ZNF787: variants seen among roughly 807,000 people sequenced by gnomAD.
The protein encoded by ZNF787 is zinc finger protein 787.
ZNF787 carries 7 observed loss-of-function variants against 16.9 expected under a neutral mutation model. The ratio of observed to expected loss-of-function variants is 0.42; its 90% CI spans 0.24 to 0.78. The LOEUF is 0.78. ZNF787 is among the 30% of genes least tolerant of loss of function. The probability of loss-of-function intolerance (pLI) is 0.30; values close to 1 mark genes in which losing one functional copy is unlikely to be tolerated. For synonymous variants in ZNF787, 345 were observed against 270.9 expected (o/e 1.27, Z -2.69); for missense variants, 551 against 589.3 (o/e 0.94, Z 0.67).
intron 1 of ZNF787, among the ~76,000 whole-genome samples, chr19:56,112,328 G>A (rs1408658009): frequency 6.6e-6 from 1 of 152,138 alleles, no homozygotes; most frequent in Admixed American, 6.5e-5. Context: ...CTCAGTCGGG[G>A]TCTCAGGCTC....
Position 56,087,823 on chromosome 19 carries a change from C to T in ZNF787, c.*200G>A. 1 of 847,558 alleles carries T rather than the reference C, an allele frequency of 1.2e-6. No homozygotes were observed. The highest frequency in any genetic ancestry group is 1.6e-6 in the Non-Finnish European group (1 of 641,846). The allele number at this position is 847,558 out of a possible 1,614,324, so 52.5% of individuals were successfully genotyped here. On this transcript the variant is annotated 3_prime_UTR_variant, in exon 3 of 3. Coordinates refer to ENST00000610935, the MANE Select transcript of ZNF787 (RefSeq NM_001002836.4). ...GGGCCAGGCTGAGGGGGCAGAGTCT[C>T]GAGGCGGAGAAGTGAACGGGCCCTA...
chr19:56,120,561 C>T (rs554538017), intron 1 of ZNF787, among the ~76,000 whole-genome samples: 7 of 152,324 alleles, frequency 4.6e-5, no homozygotes, highest in Admixed American at 1.3e-4. Flanking sequence ...CCGTAATTAC[C>T]CGCCTGATCA....
At chr19:56,115,105 C>T (rs1231992561) in intron 1 of ZNF787, among the ~76,000 whole-genome samples, 3 of 152,140 alleles carry the variant, frequency 2.0e-5, no homozygotes, top group South Asian at 2.1e-4. Flanking sequence ...TGTGACACCA[C>T]GGAGATCCCA....
intron 1 of ZNF787, among the ~76,000 whole-genome samples, chr19:56,114,071 C>T (rs1235995695): frequency 1.3e-5 from 2 of 152,170 alleles, no homozygotes; most frequent in Admixed American, 6.5e-5. Context: ...TCATCACCTC[C>T]TTGCCCAAAC....
intron 2 of ZNF787, among the ~76,000 whole-genome samples, chr19:56,099,315 T>C (rs372256632): frequency 5.9e-5 from 9 of 151,538 alleles, no homozygotes; most frequent in African/African-American, 2.2e-4. Flanking sequence ...CCCCAGGGAG[T>C]GATCTCCAGG....
In ZNF787 at chr19:56,087,826, G is replaced by C. The variant is rs549787537; in HGVS notation, c.*197C>G. ...CCAGGCTGAGGGGGCAGAGTCTCGA[G>C]GCGGAGAAGTGAACGGGCCCTAATA... On this transcript the variant is annotated 3_prime_UTR_variant, in exon 3 of 3. Transcript: ENST00000610935. 1 of 863,106 alleles carries C rather than the reference G, an allele frequency of 1.2e-6. No individual in the cohort carries two copies. The highest frequency in any genetic ancestry group is 1.5e-6 in the Non-Finnish European group (1 of 655,024). 53.5% of individuals were successfully genotyped at this position (863,106 alleles called of 1,614,324 possible). A position where few individuals can be genotyped will look rare whatever the true frequency, so the allele number is the denominator to read the frequency against.
At position 56,087,399 on chromosome 19, in the gene ZNF787, C is replaced by A. The variant is rs371172306; in HGVS notation, c.*624G>T. 1 of 152,238 alleles carries A rather than the reference C, an allele frequency of 6.6e-6. No individual in the cohort carries two copies. Among genetic ancestry groups the A allele is most frequent in the South Asian group, 2.1e-4 (1 of 4,834 alleles). 9.4% of individuals were successfully genotyped at this position (152,238 alleles called of 1,614,324 possible). A position where few individuals can be genotyped will look rare whatever the true frequency, so the allele number is the denominator to read the frequency against. On this transcript the variant is annotated 3_prime_UTR_variant, in exon 3 of 3. Transcript: ENST00000610935. ...GATAGTGCCGTTTATTGTTCCAGCACCCCTTCCTCCACCACGCCCAGGCCT... is the reference window on the plus strand; with the variant it reads ...GATAGTGCCGTTTATTGTTCCAGCAACCCTTCCTCCACCACGCCCAGGCCT...
intron 1 of ZNF787, among the ~76,000 whole-genome samples, chr19:56,109,953 C>T (rs1568533742): frequency 6.6e-6 from 1 of 152,192 alleles, no homozygotes; most frequent in African/African-American, 2.4e-5. Flanking sequence ...CAGACTCTGC[C>T]AGAGACCCAA....
intron 1 of ZNF787, among the ~76,000 whole-genome samples, chr19:56,107,842 G>A (rs528472881): frequency 1.4e-5 from 2 of 146,030 alleles, no homozygotes; most frequent in Non-Finnish European, 2.9e-5. Context: ...TGCGGGAGAG[G>A]CCGCTCGAAG....
At chr19:56,114,134 C>T (rs1376496614) in intron 1 of ZNF787, among the ~76,000 whole-genome samples, 1 of 152,218 alleles carries the variant, frequency 6.6e-6, no homozygotes, top group East Asian at 1.9e-4. Context: ...AAGTTCCTCC[C>T]CAGGCACCAC....
intron 1 of ZNF787, among the ~76,000 whole-genome samples, chr19:56,112,268 T>C (rs1372803072): frequency 2.0e-5 from 3 of 152,150 alleles, no homozygotes; most frequent in African/African-American, 7.2e-5. Context: ...AGCTGGGAAT[T>C]GCACATCTTC....
chr19:56,092,589 G>C lies in ZNF787; in HGVS notation c.80-3497C>G, dbSNP rs369831401. ...ACTGATACTTCCCATAGAAATTCAG[G>C]ACTAAAGTTTTCATTCATCCTTTTC... On this transcript the variant is annotated intron_variant, in intron 2 of 2. Transcript: ENST00000610935. Among the ~76,000 whole-genome samples the C allele has an allele frequency of 3.3e-5, 5 of 151,210 alleles. No individual in the cohort carries two copies. The South Asian group carries it at 8.3e-4, about 25-fold the overall frequency.
intron 2 of ZNF787, among the ~76,000 whole-genome samples, chr19:56,100,170 C>T (rs2123405242): frequency 6.6e-6 from 1 of 152,320 alleles, no homozygotes; most frequent in Admixed American, 6.5e-5. Context: ...ACCCCAAGGC[C>T]TCTCTGTGCT....
At chr19:56,097,921 C>T (rs903495735) in intron 2 of ZNF787, among the ~76,000 whole-genome samples, 6 of 152,040 alleles carry the variant, frequency 3.9e-5, no homozygotes, top group Admixed American at 2.0e-4. Flanking sequence ...TTTGGAATTT[C>T]GGGAGGCTTG....
At position 56,088,003 on chromosome 19, in the gene ZNF787, C is replaced by A. The variant is rs765996559; in HGVS notation, c.*20G>T. On this transcript the variant is annotated 3_prime_UTR_variant, in exon 3 of 3. Coordinates refer to ENST00000610935, the MANE Select transcript of ZNF787 (RefSeq NM_001002836.4). The surrounding 1 kb of genome is among the most constrained non-coding windows in gnomAD (Gnocchi z 8.6). ...CCAAGCCCGAGGGGCCCTGCCCGCCCCCCCCCCCGGGCCCCTCCCCTACCG... is the reference window on the plus strand; with the variant it reads ...CCAAGCCCGAGGGGCCCTGCCCGCCACCCCCCCCGGGCCCCTCCCCTACCG... The A allele has an allele frequency of 1.3e-5, 13 of 988,912 alleles. No individual in the cohort carries two copies. The highest frequency in any genetic ancestry group is 2.5e-4 in the Admixed American group (2 of 8,160). 61.3% of individuals were successfully genotyped at this position (988,912 alleles called of 1,614,324 possible).
At chr19:56,091,642 G>A (rs949278377) in intron 2 of ZNF787, among the ~76,000 whole-genome samples, 1 of 152,228 alleles carries the variant, frequency 6.6e-6, no homozygotes, top group African/African-American at 2.4e-5. Flanking sequence ...GCTTTAGGCC[G>A]TAGGCGATCT....
chr19:56,098,779 CCA>C, intron 2 of ZNF787, among the ~76,000 whole-genome samples: 2 of 130,308 alleles, frequency 1.5e-5, no homozygotes, highest in African/African-American at 6.1e-5. Context: ...GGTGATATGG[CCA>C]CCGGGTGATT....
intron 1 of ZNF787, among the ~76,000 whole-genome samples, chr19:56,111,093 G>C (rs553110572): frequency 1.4e-4 from 22 of 152,340 alleles, no homozygotes; most frequent in Non-Finnish European, 2.9e-4. Flanking sequence ...TTCCCCTCTT[G>C]TTCCTAAAGC....
intron 2 of ZNF787, among the ~76,000 whole-genome samples, chr19:56,094,391 C>G (rs972249525): frequency 1.3e-5 from 2 of 151,716 alleles, no homozygotes; most frequent in African/African-American, 2.4e-5. Context: ...CCAGGCTGGT[C>G]TCAAACTCCT....
Sources: gnomAD v4.1 joint callset for allele counts (sites outside exome capture counted in the v4.1 genomes callset) on GRCh38, gnomAD v4.1.1 for gene constraint, Gnocchi (gnomAD v3.1) non-coding constraint, MANE v1.5 for transcripts, NCBI Gene and HGNC (gene_info 2026-07-23, HGNC 2026-07-21) for gene names.